Variants in TMEM131L observed in about 807,000 individuals in gnomAD.
TMEM131L encodes transmembrane 131 like, also known as transmembrane protein 131-like.
TMEM131L carries 54 observed loss-of-function variants against 192.2 expected under a neutral mutation model. The observed-to-expected ratio is 0.28, with a 90% CI of 0.23 to 0.35. The LOEUF is 0.35. Ranked by LOEUF, TMEM131L falls within the 10% of genes least tolerant of loss-of-function variation. The probability of loss-of-function intolerance (pLI) is 1.00; values close to 1 mark genes in which losing one functional copy is unlikely to be tolerated. For synonymous variants in TMEM131L, 701 were observed against 704.9 expected, an observed-to-expected ratio of 0.99 and a Z score of 0.09; for missense variants, 1,888 against 1,972.9, an observed-to-expected ratio of 0.96 and a Z score of 0.82.
At chr4:153,556,944 T>C (rs1561189518) in intron 5 of TMEM131L, 22 bp from the exon 6 acceptor site, 2 of 1,199,378 alleles carry the variant, frequency 1.7e-6, no homozygotes, top group Non-Finnish European at 1.2e-6. Flanking sequence ...TCCAAGTGGC[T>C]GACTGGGGAC....
chr4:153,553,033 A>AT (rs1737750082), intron 4 of TMEM131L, among the ~76,000 whole-genome samples: 1 of 151,948 alleles, frequency 6.6e-6, no homozygotes, highest in African/African-American at 2.4e-5. Context: ...ACTTTTGTTA[A>AT]TTAGCAATAT....
At chr4:153,581,368 A>T in intron 8 of TMEM131L, 39 bp from the exon 9 acceptor site, 1 of 1,386,164 alleles carries the variant, frequency 7.2e-7, no homozygotes, top group Non-Finnish European at 9.6e-7. Context: ...AGTTGAGATG[A>T]TTTTTTTTTT....
intron 7 of TMEM131L, among the ~76,000 whole-genome samples, chr4:153,580,138 G>GTAGC (rs1730235702): frequency 2.0e-5 from 3 of 152,164 alleles, no homozygotes; most frequent in African/African-American, 7.2e-5. Context: ...TCACATGCCT[G>GTAGC]TAGCCCCCAC....
At chr4:153,507,436 C>A (rs1378067947) in intron 3 of TMEM131L, among the ~76,000 whole-genome samples, 1 of 152,202 alleles carries the variant, frequency 6.6e-6, no homozygotes, top group Non-Finnish European at 1.5e-5. Context: ...ACTGTGTTTA[C>A]AGTGGTAAGT....
intron 3 of TMEM131L, among the ~76,000 whole-genome samples, chr4:153,517,221 T>C (rs895786231): frequency 2.6e-5 from 4 of 152,236 alleles, no homozygotes; most frequent in Non-Finnish European, 4.4e-5. Flanking sequence ...GGTTGAAGTT[T>C]CCTTTGTTTC....
At chr4:153,594,618 C>T (rs926594782) in intron 19 of TMEM131L, among the ~76,000 whole-genome samples, 5 of 152,178 alleles carry the variant, frequency 3.3e-5, no homozygotes, top group Admixed American at 2.0e-4. Flanking sequence ...TATATTTAAG[C>T]GCCTTGGGTA....
At chr4:153,556,942 G>GC in intron 5 of TMEM131L, 24 bp from the exon 6 acceptor site, 1 of 1,149,976 alleles carries the variant, frequency 8.7e-7, no homozygotes, top group South Asian at 1.3e-5. Flanking sequence ...ATTCCAAGTG[G>GC]CTGACTGGGG....
At chr4:153,516,892 T>C (rs1232774971) in intron 3 of TMEM131L, among the ~76,000 whole-genome samples, 4 of 152,120 alleles carry the variant, frequency 2.6e-5, no homozygotes, top group Admixed American at 6.5e-5. Flanking sequence ...GTGGGGGCGA[T>C]CTTGGCTCAC....
chr4:153,552,220 A>T (rs527660185), intron 4 of TMEM131L, among the ~76,000 whole-genome samples: 1 of 152,286 alleles, frequency 6.6e-6, no homozygotes, highest in African/African-American at 2.4e-5. Flanking sequence ...CTCAAAAAAA[A>T]GAGTCTTTAT....
intron 3 of TMEM131L, among the ~76,000 whole-genome samples, chr4:153,510,996 A>C (rs2150071028): frequency 6.6e-6 from 1 of 152,346 alleles, no homozygotes; most frequent in East Asian, 1.9e-4. Flanking sequence ...TTGTTCAAAA[A>C]GACCTTTTTC....
chr4:153,630,231 A>G (rs1213812508), intron 31 of TMEM131L, among the ~76,000 whole-genome samples: 1 of 152,212 alleles, frequency 6.6e-6, no homozygotes, highest in African/African-American at 2.4e-5. Context: ...AATCAGACCT[A>G]GGGAAGGTGG....
chr4:153,485,168 A>C (rs924440693), intron 3 of TMEM131L, among the ~76,000 whole-genome samples: 3 of 151,584 alleles, frequency 2.0e-5, no homozygotes, highest in Non-Finnish European at 4.4e-5. Context: ...GAGAATTTAA[A>C]TACTACTCAC....
Position 153,467,253 on chromosome 4 carries a change from A to G in TMEM131L, c.167A>G (p.Glu56Gly), listed in dbSNP as rs1579993349. The G allele has an allele frequency of 6.4e-7, 1 of 1,551,568 alleles. No individual in the cohort carries two copies. The highest frequency in any genetic ancestry group is 1.2e-5 in the South Asian group (1 of 84,054). The change falls in exon 2 of 35, where the codon GAA (glutamate) becomes GGA (glycine). Residue 56 changes from glutamate (E) to glycine (G), a missense_variant. Glu to Gly is a moderately conservative substitution (Grantham distance 98). Coordinates refer to ENST00000409959, the MANE Select transcript of TMEM131L (RefSeq NM_001131007.2). Reference sequence around the variant, plus strand: ...AACGTGGTGGAGCTGTGGCAGGCAGAAGAAGGGGAACTCCTGCTGCCCACT... The same window carrying G: ...AACGTGGTGGAGCTGTGGCAGGCAGGAGAAGGGGAACTCCTGCTGCCCACT... ...LPNVVELWQA[E>G]EGELLLPTQG...
chr4:153,493,830 C>T (rs1330629730), intron 3 of TMEM131L, among the ~76,000 whole-genome samples: 2 of 152,156 alleles, frequency 1.3e-5, no homozygotes, highest in Non-Finnish European at 2.9e-5. Flanking sequence ...TTGAAGATTA[C>T]ATAAATCTGT....
intron 3 of TMEM131L, among the ~76,000 whole-genome samples, chr4:153,536,172 TG>T (rs1736304537): frequency 6.6e-6 from 1 of 152,076 alleles, no homozygotes; most frequent in Admixed American, 6.5e-5. Context: ...GGAGCAAGAC[TG>T]GGGCAGACCT....
chr4:153,502,825 C>T (rs1208282762), intron 3 of TMEM131L, among the ~76,000 whole-genome samples: 1 of 152,184 alleles, frequency 6.6e-6, no homozygotes, highest in Admixed American at 6.5e-5. Context: ...TGCTATAACT[C>T]TTGATTGTCA....
chr4:153,551,008 G>C (rs1561183793), intron 4 of TMEM131L, among the ~76,000 whole-genome samples: 1 of 152,232 alleles, frequency 6.6e-6, no homozygotes, highest in Non-Finnish European at 1.5e-5. Context: ...CTGTGGAGAT[G>C]AAAGCAACAT....
intron 27 of TMEM131L, 23 bp from the exon 28 acceptor site, chr4:153,621,660 T>G (rs1011007319): frequency 1.0e-4 from 160 of 1,602,006 alleles, no homozygotes; most frequent in Admixed American, 4.4e-4. Flanking sequence ...ATGTGTTTTT[T>G]TGTGTGTGTG....
chr4:153,616,858 A>T (rs1267858291), intron 26 of TMEM131L, among the ~76,000 whole-genome samples: 2 of 152,228 alleles, frequency 1.3e-5, no homozygotes, highest in African/African-American at 4.8e-5. Flanking sequence ...TAACTGTGCC[A>T]TAATTTAAAC....
Sources: allele counts gnomAD v4.1 joint callset (sites outside exome capture counted in the v4.1 genomes callset), GRCh38; gene constraint gnomAD v4.1.1; transcripts MANE v1.5; gene names NCBI Gene and HGNC (gene_info 2026-07-23, HGNC 2026-07-21).